PDZD9: variants seen among roughly 807,000 people sequenced by gnomAD.
The protein encoded by PDZD9 is PDZ domain-containing protein 9.
In PDZD9, 13 loss-of-function variants were observed where a neutral mutation model predicts 16.3. That is an observed-to-expected ratio of 0.80 (90% CI 0.52 to 1.27). The LOEUF is 1.27. Among genes scored for constraint, PDZD9 ranks in the 50% most tolerant of loss-of-function variants. The probability of loss-of-function intolerance (pLI) is 0.00; values close to 1 mark genes in which losing one functional copy is unlikely to be tolerated. For synonymous variants in PDZD9, 120 were observed against 111.0 expected (o/e 1.08, Z -0.51); for missense variants, 288 against 310.9 (o/e 0.93, Z 0.55).
chr16:21,977,834 G>T, the PDZD9 span, among the ~76,000 whole-genome samples: 2 of 152,098 alleles, frequency 1.3e-5, no homozygotes. Context: ...CATTAGTATT[G>T]TTAGTTTTGT....
the PDZD9 span, among the ~76,000 whole-genome samples, chr16:21,973,625 A>G: frequency 6.6e-6 from 1 of 152,198 alleles, no homozygotes; most frequent in Non-Finnish European, 1.5e-5. Context: ...ATAAACCTTT[A>G]ATCATCTAAA....
the PDZD9 span, among the ~76,000 whole-genome samples, chr16:21,974,515 T>G: frequency 6.6e-6 from 1 of 152,222 alleles, no homozygotes; most frequent in East Asian, 1.9e-4. Context: ...TCATTACCAC[T>G]GAGAAGTCTG....
downstream of PDZD9, chr16:21,983,601 T>C (rs998013478): frequency 1.0e-5 from 2 of 199,466 alleles, no homozygotes; most frequent in African/African-American, 4.6e-5. Flanking sequence ...TTTTTACCCC[T>C]GTTTTGCCTT....
At chr16:21,975,525 C>A in the PDZD9 span, among the ~76,000 whole-genome samples, 2 of 152,152 alleles carry the variant, frequency 1.3e-5, no homozygotes, top group Non-Finnish European at 2.9e-5. Context: ...TGGAGAAAAT[C>A]ATGGTCAGAT....
chr16:21,993,631 G>C (rs1899076869), intron 2 of PDZD9, among the ~76,000 whole-genome samples: 1 of 152,060 alleles, frequency 6.6e-6, no homozygotes, highest in African/African-American at 2.4e-5. Flanking sequence ...AAGAACGATT[G>C]AATCAAAAAC....
downstream of PDZD9, chr16:21,982,953 G>T (rs2141951456): frequency 1.3e-6 from 1 of 765,562 alleles, no homozygotes; most frequent in Non-Finnish European, 2.0e-6. Flanking sequence ...GACAGAGCGA[G>T]ACTCCACCTC....
At chr16:21,979,573 T>G (rs1898665611), downstream of PDZD9, among the ~76,000 whole-genome samples, 2 of 152,096 alleles carry the variant, frequency 1.3e-5, no homozygotes, top group African/African-American at 4.8e-5. Context: ...TTTGTGCATC[T>G]AAACATAGGA....
chr16:21,994,978 G>A (rs546437308), intron 2 of PDZD9, among the ~76,000 whole-genome samples: 4 of 151,982 alleles, frequency 2.6e-5, no homozygotes, highest in Non-Finnish European at 4.4e-5. Flanking sequence ...TTACGGGCAC[G>A]CACCATGCCG....
chr16:21,994,516 A>G (rs1039591961), intron 2 of PDZD9, among the ~76,000 whole-genome samples: 2 of 152,234 alleles, frequency 1.3e-5, no homozygotes, highest in African/African-American at 4.8e-5. Context: ...CAGTATTGGT[A>G]AAGCCCTTAG....
the PDZD9 span, among the ~76,000 whole-genome samples, chr16:21,961,635 TA>T: frequency 2.3e-5 from 1 of 43,952 alleles, no homozygotes; most frequent in African/African-American, 2.7e-4. Flanking sequence ...TTTATATATA[TA>T]TATATATATA....
intron 1 of PDZD9, among the ~76,000 whole-genome samples, chr16:22,000,108 G>C: frequency 6.6e-6 from 1 of 152,124 alleles, no homozygotes; most frequent in Non-Finnish European, 1.5e-5. Flanking sequence ...GGAGGCTGAT[G>C]CAGGAGGATT....
chr16:21,973,800 C>T, the PDZD9 span: 1 of 1,042,926 alleles, frequency 9.6e-7, no homozygotes, highest in Non-Finnish European at 1.5e-6. Flanking sequence ...TTTGTTTATA[C>T]CGTGAAGGTC....
At chr16:21,969,094 G>C in the PDZD9 span, among the ~76,000 whole-genome samples, 5 of 152,238 alleles carry the variant, frequency 3.3e-5, no homozygotes, top group South Asian at 1.0e-3. Flanking sequence ...TAATAATTAA[G>C]AAAATTTTAA....
At chr16:21,988,839 G>T in intron 2 of PDZD9, 48 bp from the exon 3 acceptor site, 1 of 1,438,616 alleles carries the variant, frequency 7.0e-7, no homozygotes, top group Non-Finnish European at 9.4e-7. Context: ...GGTTTAAAGG[G>T]ACTATATTGA....
intron 2 of PDZD9, among the ~76,000 whole-genome samples, chr16:21,989,222 C>T (rs1159050225): frequency 2.0e-5 from 3 of 151,984 alleles, no homozygotes; most frequent in Non-Finnish European, 4.4e-5. Flanking sequence ...CATGAGCCAC[C>T]GTACCCGGCC....
chr16:21,982,087 G>A (rs1292284402), downstream of PDZD9, among the ~76,000 whole-genome samples: 1 of 151,912 alleles, frequency 6.6e-6, no homozygotes, highest in Non-Finnish European at 1.5e-5. Context: ...TGATCCACCC[G>A]CCTCAGCCTT....
chr16:21,995,949 G>A (rs1335714413), intron 2 of PDZD9, among the ~76,000 whole-genome samples: 7 of 152,094 alleles, frequency 4.6e-5, no homozygotes, highest in South Asian at 2.1e-4. Flanking sequence ...GTGCCACCAC[G>A]CCTGGCTAAT....
chr16:21,973,872 C>T, the PDZD9 span: 1 of 1,604,426 alleles, frequency 6.2e-7, no homozygotes, highest in Non-Finnish European at 8.5e-7. Context: ...GAATATCATA[C>T]AGTAAAGTCT....
chr16:21,968,491 G>A, the PDZD9 span: 1 of 613,706 alleles, frequency 1.6e-6, no homozygotes, highest in East Asian at 3.1e-5. Flanking sequence ...ATTCACCTCA[G>A]TTAGTACCTT....
Sources: gnomAD v4.1 joint callset for allele counts (sites outside exome capture counted in the v4.1 genomes callset) on GRCh38, gnomAD v4.1.1 for gene constraint, MANE v1.5 for transcripts, NCBI Gene and HGNC (gene_info 2026-07-23, HGNC 2026-07-21) for gene names.